PAFAH1B1: variants seen among roughly 807,000 people sequenced by gnomAD.
The protein encoded by PAFAH1B1 is platelet-activating factor acetylhydrolase IB subunit beta.
Under a neutral mutation model 57.5 loss-of-function variants are expected in PAFAH1B1, and 2 were observed. That is an observed-to-expected ratio of 0.03 (90% CI 0.01 to 0.11). The LOEUF is 0.11. PAFAH1B1 is among the 10% of genes least tolerant of loss of function. The probability of loss-of-function intolerance (pLI) is 1.00; values close to 1 mark genes in which losing one functional copy is unlikely to be tolerated. For synonymous variants in PAFAH1B1, 152 were observed against 169.6 expected, an observed-to-expected ratio of 0.90 and a Z score of 0.81; for missense variants, 257 against 512.0, an observed-to-expected ratio of 0.50 and a Z score of 4.81.
At chr17:2,654,371 G>A (rs564485622) in intron 2 of PAFAH1B1, among the ~76,000 whole-genome samples, 141 of 151,178 alleles carry the variant, frequency 9.3e-4, no homozygotes, top group Non-Finnish European at 1.7e-3. Context: ...TGTATTTTTA[G>A]TTTCACCATG....
chr17:2,624,621 T>C (rs2068465281), intron 1 of PAFAH1B1, among the ~76,000 whole-genome samples: 1 of 152,172 alleles, frequency 6.6e-6, no homozygotes, highest in Admixed American at 6.5e-5. Context: ...CAGGAAAGAC[T>C]GGCCCCGTGA....
intron 6 of PAFAH1B1, among the ~76,000 whole-genome samples, 169 bp from the exon 7 acceptor site, chr17:2,672,486 T>C (rs2069198042): frequency 6.6e-6 from 1 of 152,136 alleles, no homozygotes; most frequent in African/African-American, 2.4e-5. Flanking sequence ...CTGATTTTTT[T>C]AACTTTATCG....
chr17:2,607,079 C>T (rs566828540), intron 1 of PAFAH1B1, among the ~76,000 whole-genome samples: 24 of 152,232 alleles, frequency 1.6e-4, no homozygotes, highest in African/African-American at 5.8e-4. Context: ...CCGCCTCGGC[C>T]TCCTGCGGTG....
At chr17:2,638,856 C>T (rs188861191) in intron 2 of PAFAH1B1, among the ~76,000 whole-genome samples, 34 of 151,756 alleles carry the variant, frequency 2.2e-4, no homozygotes, top group Admixed American at 1.6e-3. Flanking sequence ...GTAAGTTTAA[C>T]GCAAAACAGA....
chr17:2,659,365 C>T (rs970136872), intron 2 of PAFAH1B1: 13 of 245,662 alleles, frequency 5.3e-5, no homozygotes, highest in Non-Finnish European at 5.1e-5. Flanking sequence ...GGTGAAACCC[C>T]GTCTCTGCTA....
Position 2,646,238 on chromosome 17 carries a change from A to G in PAFAH1B1, c.32+7918A>G, listed in dbSNP as rs1005545192. Among the ~76,000 whole-genome samples the G allele has an allele frequency of 2.6e-5, 4 of 152,180 alleles. No homozygotes were observed. The East Asian group carries it at 5.8e-4, about 22-fold the overall frequency. ...ACTAGCTTTTTAAAAAGACCAGTAA[A>G]ATAGACAGTTTTTTAAAGAGAAAAT... On this transcript the variant is annotated intron_variant, in intron 2 of 10. Coordinates refer to ENST00000397195, the MANE Select transcript of PAFAH1B1 (RefSeq NM_000430.4).
chr17:2,626,565 C>G lies in PAFAH1B1; in HGVS notation c.-190-11534C>G, dbSNP rs994963847. ...GCATCACCTTTCTTCCCCCCCCCCC[C>G]CCCCCCGAGGCGGAGTCTTGTTCTG... On this transcript the variant is annotated intron_variant, in intron 1 of 10. Transcript: ENST00000397195. Among the ~76,000 whole-genome samples, 17 of 66,064 alleles carry G rather than the reference C, an allele frequency of 2.6e-4. 2 individuals are homozygous for G. Among genetic ancestry groups the G allele is most frequent in the South Asian group, 7.5e-4 (1 of 1,342 alleles). 43.3% of individuals were successfully genotyped at this position (66,064 alleles called of 152,430 possible).
intron 4 of PAFAH1B1, 67 bp downstream of exon 4, chr17:2,666,157 CT>C: frequency 2.4e-6 from 3 of 1,235,278 alleles, no homozygotes; most frequent in Non-Finnish European, 3.3e-6. Context: ...AAATAACATT[CT>C]TCTGCATTAA....
intron 1 of PAFAH1B1, among the ~76,000 whole-genome samples, chr17:2,619,547 G>GTTTTTTTTTTGT: frequency 1.5e-5 from 2 of 129,062 alleles, no homozygotes; most frequent in African/African-American, 5.5e-5. Context: ...TTTTTTTTTT[G>GTTTTTTTTTTGT]TTTTTTTTCC....
intron 2 of PAFAH1B1, among the ~76,000 whole-genome samples, chr17:2,652,157 A>T (rs1324983511): frequency 5.3e-5 from 2 of 37,696 alleles, no homozygotes; most frequent in Non-Finnish European, 2.2e-4. Flanking sequence ...CACGCCTGTA[A>T]TCCCACACTT....
intron 2 of PAFAH1B1, among the ~76,000 whole-genome samples, chr17:2,665,165 A>G (rs964327380): frequency 6.6e-6 from 1 of 152,126 alleles, no homozygotes; most frequent in Non-Finnish European, 1.5e-5. Flanking sequence ...ATAACTAAGA[A>G]TATAATATTA....
chr17:2,655,745 C>G (rs2068927952), intron 2 of PAFAH1B1, among the ~76,000 whole-genome samples: 1 of 151,626 alleles, frequency 6.6e-6, no homozygotes, highest in South Asian at 2.1e-4. Context: ...TACCACCCTC[C>G]AGCCTTGTTA....
chr17:2,665,527 A>G (rs752921739), intron 3 of PAFAH1B1, 71 bp downstream of exon 3: 310 of 877,288 alleles, frequency 3.5e-4, no homozygotes, highest in Non-Finnish European at 5.7e-4. Flanking sequence ...TGTAGTTAAC[A>G]GTTACGCACA....
In PAFAH1B1 at chr17:2,626,553, TCCCCCCC is replaced by T. The variant is rs764519686; in HGVS notation, c.-190-11534_-190-11528del. 3.4e-4 allele frequency among the ~76,000 whole-genome samples: 11 copies of T among 32,730 alleles called. 3 individuals are homozygous for T. In the East Asian group the frequency reaches 6.9e-3, roughly 21 times the overall value. The allele number at this position is 32,730 out of a possible 152,430, so 21.5% of individuals were successfully genotyped here. A position where few individuals can be genotyped will look rare whatever the true frequency, so the allele number is the denominator to read the frequency against. On this transcript the variant is annotated intron_variant, in intron 1 of 10. Transcript: ENST00000397195. Reference sequence around the variant, plus strand: ...AAACTTGAACCGGCATCACCTTTCTTCCCCCCCCCCCCCCCCCCGAGGCGGAGTCTTG... The same window carrying T: ...AAACTTGAACCGGCATCACCTTTCTTCCCCCCCCCCCGAGGCGGAGTCTTG...
At position 2,657,038 on chromosome 17, in the gene PAFAH1B1, C is replaced by T. The variant is rs74913199; in HGVS notation, c.33-8334C>T. Among the ~76,000 whole-genome samples the T allele has an allele frequency of 1.0e-3, 155 of 152,310 alleles. 1 individual carries two copies. The highest frequency in any genetic ancestry group is 3.6e-3 in the African/African-American group (148 of 41,568). On this transcript the variant is annotated intron_variant, in intron 2 of 10. Transcript: ENST00000397195. ...TCAGGTTCACGCCATTCTCCTGCCT[C>T]AGCTTCACTAGAGCAGTTTTAAGTA...
At chr17:2,657,559 G>C (rs2068953100) in intron 2 of PAFAH1B1, among the ~76,000 whole-genome samples, 2 of 152,280 alleles carry the variant, frequency 1.3e-5, no homozygotes, top group South Asian at 4.2e-4. Context: ...TGTTGAATTT[G>C]ATCAGATGTT....
chr17:2,645,592 C>T (rs2068756533), intron 2 of PAFAH1B1, among the ~76,000 whole-genome samples: 1 of 144,590 alleles, frequency 6.9e-6, no homozygotes. Context: ...GACCCTGTCT[C>T]AAAAATATAT....
At chr17:2,623,568 GT>G (rs1463212466) in intron 1 of PAFAH1B1, among the ~76,000 whole-genome samples, 1 of 143,612 alleles carries the variant, frequency 7.0e-6, no homozygotes, top group Non-Finnish European at 1.5e-5. Flanking sequence ...AAAAAATGTT[GT>G]TTTTTTTTCT....
chr17:2,618,332 A>C (rs1487296431), intron 1 of PAFAH1B1, among the ~76,000 whole-genome samples: 1 of 152,216 alleles, frequency 6.6e-6, no homozygotes. Flanking sequence ...TTATTCATAC[A>C]GAGCACACGA....
Sources: allele counts gnomAD v4.1 joint callset (sites outside exome capture counted in the v4.1 genomes callset), GRCh38; gene constraint gnomAD v4.1.1; transcripts MANE v1.5; gene names NCBI Gene and HGNC (gene_info 2026-07-23, HGNC 2026-07-21).